Variants in CEACAM21 observed in about 807,000 individuals in gnomAD.
CEACAM21 encodes the protein CEA cell adhesion molecule 21.
CEACAM21 carries 38 observed loss-of-function variants against 33.2 expected under a neutral mutation model. The ratio of observed to expected loss-of-function variants is 1.14; its 90% CI spans 0.88 to 1.50. CEACAM21 has a LOEUF of 1.50. Ranked by LOEUF, CEACAM21 falls within the 40% of genes most tolerant of loss-of-function variation. CEACAM21 has a pLI of 0.00. For missense variants in CEACAM21, 385 were observed against 364.6 expected (o/e 1.06, Z -0.46); for synonymous variants, 156 against 143.0 (o/e 1.09, Z -0.65).
At chr19:41,552,768 T>C (rs1487457516) in intron 1 of CEACAM21, among the ~76,000 whole-genome samples, 1 of 152,114 alleles carries the variant, frequency 6.6e-6, no homozygotes, top group Non-Finnish European at 1.5e-5. Context: ...GCACTCTCTG[T>C]TTCGGGGGTG....
chr19:41,583,903 A>G (rs1314272331), intron 3 of CEACAM21, among the ~76,000 whole-genome samples: 2 of 150,600 alleles, frequency 1.3e-5, no homozygotes, highest in African/African-American at 5.0e-5. Context: ...GAGGGTGAGA[A>G]AAGCTGCAGG....
chr19:41,557,599 T>C (rs889314963), intron 1 of CEACAM21, among the ~76,000 whole-genome samples: 1 of 152,166 alleles, frequency 6.6e-6, no homozygotes, highest in Admixed American at 6.5e-5. Flanking sequence ...AAAACCATAC[T>C]TGTCACCCTT....
intron 1 of CEACAM21, among the ~76,000 whole-genome samples, chr19:41,559,075 T>C (rs1490760809): frequency 3.9e-5 from 6 of 152,328 alleles, no homozygotes; most frequent in Admixed American, 3.3e-4. Context: ...AGTAAACATA[T>C]AGACTATTTG....
At chr19:41,574,833 C>G (rs1490696567), upstream of CEACAM21, among the ~76,000 whole-genome samples, 4 of 152,142 alleles carry the variant, frequency 2.6e-5, no homozygotes, top group Non-Finnish European at 4.4e-5. Context: ...TATTTATACT[C>G]CTATATGTAC....
chr19:41,565,071 C>T (rs1555787977), intron 2 of CEACAM21: 2 of 152,520 alleles, frequency 1.3e-5, no homozygotes, highest in African/African-American at 2.4e-5. Flanking sequence ...GTCTCCCCAA[C>T]CTGCACCATT....
upstream of CEACAM21, among the ~76,000 whole-genome samples, chr19:41,574,780 C>A (rs2042825919): frequency 6.6e-6 from 1 of 152,182 alleles, no homozygotes; most frequent in South Asian, 2.1e-4. Flanking sequence ...AACAGTTTGG[C>A]TGTTTCTCAA....
intron 1 of CEACAM21, among the ~76,000 whole-genome samples, chr19:41,562,309 GA>G (rs529306542): frequency 0.041 from 5,988 of 146,166 alleles, 145 homozygotes; most frequent in African/African-American, 0.05. Flanking sequence ...TTTTTTTTAA[GA>G]AAAAAAAAAG....
rs1311121269 is a variant in CEACAM21, at chr19:41,577,103, T to C, written c.65-97T>C. 2.1e-5 allele frequency: 29 copies of C among 1,395,470 alleles called. No homozygotes were observed. The South Asian group carries it at 3.5e-4, about 17-fold the overall frequency. The allele number at this position is 1,395,470 out of a possible 1,614,324, so 86.4% of individuals were successfully genotyped here. A position where few individuals can be genotyped will look rare whatever the true frequency, so the allele number is the denominator to read the frequency against. ...AGGACACACACACACACACACACCC[T>C]CTAAGGCTGAGGGGTGAAGAGACCT... On this transcript the variant is annotated intron_variant, in intron 1 of 6. Transcript: ENST00000401445.
At chr19:41,554,539 G>C (rs181691191) in intron 1 of CEACAM21, among the ~76,000 whole-genome samples, 12 of 152,054 alleles carry the variant, frequency 7.9e-5, no homozygotes, top group African/African-American at 2.9e-4. Flanking sequence ...CCCAAAGAAA[G>C]CTAAAAATCA....
chr19:41,556,767 C>G (rs1431465150), intron 1 of CEACAM21, among the ~76,000 whole-genome samples: 1 of 152,168 alleles, frequency 6.6e-6, no homozygotes, highest in Non-Finnish European at 1.5e-5. Context: ...GTGAATCCCA[C>G]AGAATATTGA....
intron 2 of CEACAM21, 69 bp downstream of exon 2, chr19:41,577,628 C>T: frequency 2.5e-6 from 4 of 1,593,642 alleles, no homozygotes; most frequent in Non-Finnish European, 3.4e-6. Flanking sequence ...GATTGTCAGG[C>T]CTGGGCTGTG....
Position 41,579,410 on chromosome 19 carries a change from C to G in CEACAM21, c.482C>G (p.Ser161Cys). 2 of 1,613,922 alleles carry G rather than the reference C, an allele frequency of 1.2e-6. No individual in the cohort carries two copies. Among genetic ancestry groups the G allele is most frequent in the South Asian group, 2.2e-5 (2 of 91,070 alleles). The stretch of plus-strand genomic sequence containing the variant: ...AGCACCACAGTCACAGAGAAGGGCT[C>G]CGTGGTCCTGACCTGCCACACAAAT... ...ASSTTVTEKG[S>C]VVLTCHTNNT... Residue 161 changes from serine (S) to cysteine (C), a missense_variant, in exon 3 of 7, where the codon TCC (serine) becomes TGC (cysteine). Transcript: ENST00000401445.
At position 41,577,558 on chromosome 19, in the gene CEACAM21, C is replaced by T. The variant is rs377527952; in HGVS notation, c.423C>T (p.Tyr141=). 1.7e-4 allele frequency: 274 copies of T among 1,612,634 alleles called. No homozygotes were observed. The South Asian group carries it at 2.6e-3, about 16-fold the overall frequency. The change falls in exon 2 of 7, where the codon TAC becomes TAT. Residue 141 remains tyrosine, a splice_region_variant and synonymous_variant. Coordinates refer to ENST00000401445, the MANE Select transcript of CEACAM21 (RefSeq NM_001098506.4). The stretch of plus-strand genomic sequence containing the variant: ...AGGCATCTCACCATCTCCGTGTATA[C>T]GGTGAGTGATTCCTCCGTGCCTCTG... ...IEQASHHLRV[Y]ESVAQPSIQA...
At chr19:41,560,570 T>C (rs984637214) in intron 1 of CEACAM21, among the ~76,000 whole-genome samples, 5 of 152,178 alleles carry the variant, frequency 3.3e-5, no homozygotes, top group Admixed American at 6.5e-5. Flanking sequence ...AATCTGAGCA[T>C]ATACAAAAAA....
intron 2 of CEACAM21, among the ~76,000 whole-genome samples, chr19:41,568,212 C>A (rs894285216): frequency 6.6e-6 from 1 of 151,876 alleles, no homozygotes; most frequent in Non-Finnish European, 1.5e-5. Flanking sequence ...CAAATATATT[C>A]TCCTCCCATT....
In CEACAM21 at chr19:41,579,154, G is replaced by T. The variant is rs1022050087; in HGVS notation, c.425-199G>T. 1.0e-5 allele frequency: 8 copies of T among 779,798 alleles called. No homozygotes were observed. In the African/African-American group the frequency reaches 1.2e-4, roughly 12 times the overall value. The allele number at this position is 779,798 out of a possible 1,614,324, so 48.3% of individuals were successfully genotyped here. On this transcript the variant is annotated intron_variant, in intron 2 of 6. Coordinates refer to ENST00000401445, the MANE Select transcript of CEACAM21 (RefSeq NM_001098506.4). ...CCCTGGTCCTGGTCTGAGGCAGCTGGGTCCTCCTGGTCCCTGGGGTCTCTG... is the reference window on the plus strand; with the variant it reads ...CCCTGGTCCTGGTCTGAGGCAGCTGTGTCCTCCTGGTCCCTGGGGTCTCTG...
upstream of CEACAM21, among the ~76,000 whole-genome samples, chr19:41,572,449 C>A (rs540827480): frequency 6.6e-6 from 1 of 152,124 alleles, no homozygotes; most frequent in Admixed American, 6.5e-5. Context: ...AAGGCAGGAG[C>A]GATGGGAAGC....
upstream of CEACAM21, among the ~76,000 whole-genome samples, chr19:41,572,309 G>C (rs1045941790): frequency 7.9e-5 from 12 of 152,282 alleles, no homozygotes; most frequent in African/African-American, 2.2e-4. Context: ...GACCTGGCAA[G>C]ATATACTGTC....
chr19:41,580,420 G>A (rs1286299796), intron 3 of CEACAM21, among the ~76,000 whole-genome samples: 1 of 152,120 alleles, frequency 6.6e-6, no homozygotes, highest in Non-Finnish European at 1.5e-5. Context: ...TATCAGCAGA[G>A]GGCTCAGTCC....
Sources: gnomAD v4.1 joint callset for allele counts (sites outside exome capture counted in the v4.1 genomes callset) on GRCh38, gnomAD v4.1.1 for gene constraint, MANE v1.5 for transcripts, NCBI Gene and HGNC (gene_info 2026-07-23, HGNC 2026-07-21) for gene names.